LZTR1: variants seen among roughly 807,000 people sequenced by gnomAD.
LZTR1 encodes the protein leucine zipper like post translational regulator 1.
Under a neutral mutation model 105.7 loss-of-function variants are expected in LZTR1, and 260 were observed. The observed-to-expected ratio is 2.46, with a 90% confidence interval of 2.22 to 2.72. The LOEUF is 2.72. Among genes scored for constraint, LZTR1 ranks in the 30% most tolerant of loss-of-function variants. The pLI is 0.00. For missense variants in LZTR1, 1,214 were observed against 1,166.9 expected (o/e 1.04, Z -0.59); for synonymous variants, 490 against 476.4 (o/e 1.03, Z -0.37).
At chr22:20,983,126 G>A (rs178281) in intron 2 of LZTR1, 37 bp downstream of exon 2, 1 of 1,585,420 alleles carries the variant, frequency 6.3e-7, no homozygotes, top group Non-Finnish European at 8.7e-7. Context: ...GGACCAGGTA[G>A]GGAGAAGTAC....
intron 3 of LZTR1, 66 bp from the exon 4 acceptor site, chr22:20,987,438 C>G: frequency 1.1e-6 from 1 of 894,782 alleles, no homozygotes; most frequent in Non-Finnish European, 1.9e-6. Context: ...TGCAGGGCCA[C>G]CCTGTGGGGG....
At chr22:20,992,472 C>T in intron 10 of LZTR1, 103 bp downstream of exon 10, 1 of 1,293,982 alleles carries the variant, frequency 7.7e-7, no homozygotes, top group South Asian at 1.4e-5. Flanking sequence ...GAAATACTTG[C>T]TTGGGGTCAC....
chr22:20,994,502 C>G, intron 14 of LZTR1, 56 bp from the exon 15 acceptor site: 1 of 1,571,416 alleles, frequency 6.4e-7, no homozygotes, highest in African/African-American at 1.3e-5. Context: ...GCCCTGCGCC[C>G]TGTGCCCTGC....
rs2147967929 is a variant in LZTR1, at chr22:20,994,621, GC to G, written c.1681del (p.Arg561AlafsTer31). On this transcript the variant is annotated frameshift_variant, in exon 15 of 21. Coordinates refer to ENST00000646124, the MANE Select transcript of LZTR1 (RefSeq NM_006767.4). LOFTEE classifies it high-confidence loss of function. ...AAACTGGCACTGAGCTTCCAGTTGT[GC>G]CGCCTGGAGCAGCTGTGCCGCCAGT... The part of the protein sequence containing the change: ...VYKLALSFQL[C>X]RLEQLCRQYI... 4 of 1,612,628 alleles carry G rather than the reference GC, an allele frequency of 2.5e-6. No homozygotes were observed. The highest frequency in any genetic ancestry group is 2.5e-6 in the Non-Finnish European group (3 of 1,179,826).
chr22:20,986,487 T>C (rs1018941885), intron 3 of LZTR1: 2 of 152,270 alleles, frequency 1.3e-5, no homozygotes, highest in South Asian at 4.1e-4. Context: ...ATTAGACAGA[T>C]AGATGACAGA....
At chr22:20,986,032 C>T in intron 3 of LZTR1, 135 bp downstream of exon 3, 2 of 897,664 alleles carry the variant, frequency 2.2e-6, no homozygotes, top group East Asian at 2.7e-5. Context: ...ATAACCACGG[C>T]CTCAGGGATG....
intron 2 of LZTR1, among the ~76,000 whole-genome samples, chr22:20,985,469 G>T (rs1478302708): frequency 6.6e-6 from 1 of 152,246 alleles, no homozygotes; most frequent in Non-Finnish European, 1.5e-5. Context: ...AGCTGCAGAG[G>T]AAGGGGATTG....
At position 20,997,257 on chromosome 22, in the gene LZTR1, C is replaced by A. The variant is rs769880462; in HGVS notation, c.2432C>A (p.Ser811Ter). ...TKVSKLPTLR[S>*]LSQQLLLDII... Reference sequence around the variant, plus strand: ...GTCTCCAAGTTGCCCACCCTGCGGTCGCTGAGCCAGCAGCTGCTGCTGGAC... The same window carrying A: ...GTCTCCAAGTTGCCCACCCTGCGGTAGCTGAGCCAGCAGCTGCTGCTGGAC... Residue 811 changes from serine to a stop codon, truncating the protein, a stop_gained, in exon 21 of 21, where the codon TCG (serine) becomes TAG (stop). Transcript: ENST00000646124. LOFTEE classifies it high-confidence loss of function. The A allele has an allele frequency of 1.2e-6, 2 of 1,613,736 alleles. No homozygotes were observed. The highest frequency in any genetic ancestry group is 2.2e-5 in the East Asian group (1 of 44,874).
intron 9 of LZTR1, 123 bp downstream of exon 9, chr22:20,991,952 C>T (rs1457820745): frequency 2.1e-6 from 2 of 960,568 alleles, no homozygotes; most frequent in Non-Finnish European, 3.0e-6. Flanking sequence ...AGGAGCAAGG[C>T]CAGGACACCT....
At chr22:20,994,071 C>T in intron 13 of LZTR1, 33 bp from the exon 14 acceptor site, 1 of 1,580,542 alleles carries the variant, frequency 6.3e-7, no homozygotes, top group Non-Finnish European at 8.6e-7. Context: ...CTGGTGTCCA[C>T]TGGGGTGTCC....
At chr22:20,994,294 G>T (rs868591699) in intron 14 of LZTR1, 25 bp downstream of exon 14, 2 of 1,593,540 alleles carry the variant, frequency 1.3e-6, no homozygotes, top group Middle Eastern at 1.7e-4. Context: ...GGGTGGAGCA[G>T]GGTTGGTGTG....
At chr22:20,995,236 G>A in intron 16 of LZTR1, 1 of 704,698 alleles carries the variant, frequency 1.4e-6, no homozygotes, top group Non-Finnish European at 2.6e-6. Flanking sequence ...CTGTGTCCTG[G>A]TGACCTGGGA....
Position 20,988,118 on chromosome 22 carries a change from G to C in LZTR1, c.509G>C (p.Arg170Pro). The C allele has an allele frequency of 6.3e-7, 1 of 1,595,316 alleles. No homozygotes were observed. The change falls in exon 5 of 21, where the codon CGG (arginine) becomes CCG (proline). Residue 170 changes from arginine (R) to proline (P), a missense_variant and splice_region_variant. Coordinates refer to ENST00000646124, the MANE Select transcript of LZTR1 (RefSeq NM_006767.4). ...GQWTEWKIEG[R>P]LPVARSAHGA... The stretch of plus-strand genomic sequence containing the variant: ...TGGACGGAGTGGAAAATTGAAGGAC[G>C]GTGAGAAACTTTGCAGAAACATTTG...
At chr22:20,993,561 G>A in intron 11 of LZTR1, 101 bp from the exon 12 acceptor site, 1 of 950,324 alleles carries the variant, frequency 1.1e-6, no homozygotes, top group Non-Finnish European at 1.6e-6. Context: ...GGCCCTGAGG[G>A]TCAGCATGGG....
At chr22:20,993,083 G>T (rs1157919054) in intron 11 of LZTR1, among the ~76,000 whole-genome samples, 179 bp downstream of exon 11, 1 of 152,236 alleles carries the variant, frequency 6.6e-6, no homozygotes, top group Non-Finnish European at 1.5e-5. Context: ...ACTAAAGTGG[G>T]CAGCCTTCGT....
At position 20,994,878 on chromosome 22, in the gene LZTR1, C is replaced by A. The variant is rs982944299; in HGVS notation, c.1794C>A (p.Cys598Ter). Residue 598 changes from cysteine (C) to a stop codon, truncating the protein, a stop_gained, in exon 16 of 21, where the codon TGC (cysteine) becomes TGA (stop). Transcript: ENST00000646124. LOFTEE classifies it high-confidence loss of function. ...GTGCCTGTCTGCCCCAGGAGCACTG[C>A]CTGAACTTCGTGGTAAAGGAGTCCC... is the stretch of plus-strand genomic sequence containing the variant. ...RLQLSQLKEH[C>*]LNFVVKESHF... 7.4e-6 allele frequency: 12 copies of A among 1,613,122 alleles called. No individual in the cohort carries two copies. Among genetic ancestry groups the A allele is most frequent in the East Asian group, 2.2e-5 (1 of 44,896 alleles).
chr22:20,991,718 C>T lies in LZTR1; in HGVS notation c.882C>T (p.Arg294=). ...RYGHTMVAFD[R]HLYVFGGAAD... is the part of the protein sequence containing the mutation. ...GGCATACCATGGTGGCCTTTGACCGCCACCTCTATGTGTTTGGGGGTGCGG... is the reference window on the plus strand; with the variant it reads ...GGCATACCATGGTGGCCTTTGACCGTCACCTCTATGTGTTTGGGGGTGCGG... Residue 294 remains arginine (R), a synonymous_variant, in exon 9 of 21, where the codon CGC becomes CGT. Coordinates refer to ENST00000646124, the MANE Select transcript of LZTR1 (RefSeq NM_006767.4). 6.3e-7 allele frequency: 1 copy of T among 1,588,474 alleles called. No individual in the cohort carries two copies.
At chr22:20,989,514 C>T in intron 6 of LZTR1, 111 bp from the exon 7 acceptor site, 2 of 888,060 alleles carry the variant, frequency 2.3e-6, no homozygotes, top group Non-Finnish European at 3.8e-6. Flanking sequence ...GCACAAGTCT[C>T]CTACCCTGTG....
chr22:20,992,941 G>C, intron 11 of LZTR1, 37 bp downstream of exon 11: 3 of 1,403,436 alleles, frequency 2.1e-6, no homozygotes, highest in Non-Finnish European at 2.9e-6. Context: ...CGGCTGGGTG[G>C]ACGGATCCCC....
Sources: allele counts gnomAD v4.1 joint callset (sites outside exome capture counted in the v4.1 genomes callset), GRCh38; gene constraint gnomAD v4.1.1; transcripts MANE v1.5; gene names NCBI Gene and HGNC (gene_info 2026-07-23, HGNC 2026-07-21).